Variants in IL1RAPL1 observed in about 807,000 individuals in gnomAD.
IL1RAPL1 encodes interleukin 1 receptor accessory protein like 1.
Under a neutral mutation model 48.4 loss-of-function variants are expected in IL1RAPL1, and 3 were observed. That is an observed-to-expected ratio of 0.06 (90% CI 0.03 to 0.16). The LOEUF is 0.16. Among genes scored for constraint, IL1RAPL1 ranks in the 10% least tolerant of loss-of-function variants. The pLI, the probability that IL1RAPL1 is intolerant of heterozygous loss-of-function variation, is 1.00. For synonymous variants in IL1RAPL1, 185 were observed against 187.7 expected (o/e 0.99, Z 0.12); for missense variants, 349 against 530.6 (o/e 0.66, Z 3.36).
intron 2 of IL1RAPL1, among the ~76,000 whole-genome samples, chrX:28,874,721 T>G (rs1922323300): frequency 8.9e-6 from 1 of 112,490 alleles, no homozygotes; most frequent in African/African-American, 3.2e-5. Flanking sequence ...GTTTTCTCAT[T>G]TCATGCTTTC....
Position 29,631,273 on chromosome X carries a change from G to A in IL1RAPL1, c.704-37157G>A, listed in dbSNP as rs996938674. Among the ~76,000 whole-genome samples, 20 of 111,113 alleles carry A rather than the reference G, an allele frequency of 1.8e-4. No homozygotes were observed. In the Middle Eastern group the frequency reaches 0.018, roughly 102 times the overall value. On this transcript the variant is annotated intron_variant, in intron 5 of 10. Transcript: ENST00000378993. ...AATAACTCTGATTTCACCTTATCTA[G>A]AAAAGTTTCACCTTATCTATCTAGT...
intron 6 of IL1RAPL1, among the ~76,000 whole-genome samples, chrX:29,776,088 G>A (rs1048030773): frequency 9.0e-6 from 1 of 111,568 alleles, no homozygotes; most frequent in Non-Finnish European, 1.9e-5. Flanking sequence ...ACTTCCGCTA[G>A]AATTGACTTT....
At position 29,381,830 on chromosome X, in the gene IL1RAPL1, AAAAATATATAT is replaced by A. The variant is rs1276095663; in HGVS notation, c.363-14426_363-14416del. Among the ~76,000 whole-genome samples, 37 of 32,597 alleles carry A rather than the reference AAAAATATATAT, an allele frequency of 1.1e-3. 1 individual carries two copies. The highest frequency in any genetic ancestry group is 5.0e-4 in the Non-Finnish European group (6 of 11,986). The allele number at this position is 32,597 out of a possible 115,157, so 28.3% of individuals were successfully genotyped here. A position where few individuals can be genotyped will look rare whatever the true frequency, so the allele number is the denominator to read the frequency against. On this transcript the variant is annotated intron_variant, in intron 3 of 10. Transcript: ENST00000378993. ...GACTGTTGCCAAAAAAAAAAAAAAA[AAAAATATATAT>A]ATATATATATATATATATATATACA...
chrX:29,512,799 A>C (rs759292951), intron 5 of IL1RAPL1, among the ~76,000 whole-genome samples: 68 of 111,751 alleles, frequency 6.1e-4, no homozygotes, highest in Admixed American at 1.7e-3. Context: ...ACACTTTCAC[A>C]GTCAGAATGT....
At chrX:29,853,191 TAAA>T (rs35378764) in intron 6 of IL1RAPL1, among the ~76,000 whole-genome samples, 1 of 88,061 alleles carries the variant, frequency 1.1e-5, no homozygotes, top group Non-Finnish European at 2.3e-5. Flanking sequence ...ATTATGGCTT[TAAA>T]AAAAAAAAAA....
chrX:28,668,219 G>A (rs1225601090), intron 1 of IL1RAPL1, among the ~76,000 whole-genome samples: 2 of 111,670 alleles, frequency 1.8e-5, no homozygotes, highest in Non-Finnish European at 3.8e-5. Flanking sequence ...CCAATCATAG[G>A]CAATGCCACT....
At chrX:29,333,455 G>T (rs1172783204) in intron 3 of IL1RAPL1, among the ~76,000 whole-genome samples, 1 of 43,237 alleles carries the variant, frequency 2.3e-5, no homozygotes, top group African/African-American at 7.4e-5. Context: ...GGGCAGAGGG[G>T]CTCCTCACTT....
intron 1 of IL1RAPL1, among the ~76,000 whole-genome samples, chrX:28,691,803 A>C (rs945413173): frequency 9.0e-6 from 1 of 111,271 alleles, no homozygotes; most frequent in African/African-American, 3.3e-5. Context: ...TTAATTCCTC[A>C]CCAGTACTTT....
intron 2 of IL1RAPL1, among the ~76,000 whole-genome samples, chrX:29,217,596 A>G (rs1056540167): frequency 8.9e-6 from 1 of 111,925 alleles, no homozygotes; most frequent in African/African-American, 3.2e-5. Context: ...TATCTTAAAT[A>G]ATCTGCCTTC....
In IL1RAPL1 at chrX:28,830,210, T is replaced by A. The variant is rs756915840; in HGVS notation, c.82+40785T>A. On this transcript the variant is annotated intron_variant, in intron 2 of 10. Transcript: ENST00000378993. ...TGTTTTGGAAGAATCTTTGAAAGGT[T>A]GATGTTAATTCTTTTTTAAATGCTT... Among the ~76,000 whole-genome samples, 217 of 111,853 alleles carry A rather than the reference T, an allele frequency of 1.9e-3. 1 individual carries two copies. Among genetic ancestry groups the A allele is most frequent in the Admixed American group, 3.5e-3 (37 of 10,530 alleles).
chrX:29,874,207 C>A (rs780522560), intron 6 of IL1RAPL1, among the ~76,000 whole-genome samples: 8 of 111,355 alleles, frequency 7.2e-5, no homozygotes, highest in Non-Finnish European at 1.5e-4. Flanking sequence ...CCATTCCAAA[C>A]TTTAACCCTG....
At chrX:28,803,094 A>G (rs1936693148) in intron 2 of IL1RAPL1, among the ~76,000 whole-genome samples, 2 of 111,615 alleles carry the variant, frequency 1.8e-5, no homozygotes, top group South Asian at 3.7e-4. Flanking sequence ...TCTTAGCATC[A>G]TGTCCATTTG....
chrX:29,825,893 CT>C (rs1206962984), intron 6 of IL1RAPL1, among the ~76,000 whole-genome samples: 1 of 111,137 alleles, frequency 9.0e-6, no homozygotes, highest in Non-Finnish European at 1.9e-5. Flanking sequence ...CAGATTTGGA[CT>C]GCTGAATGTA....
rs758808761 is a variant in IL1RAPL1, at chrX:29,756,963, G to A, written c.778+88459G>A. Among the ~76,000 whole-genome samples, 268 of 111,374 alleles carry A rather than the reference G, an allele frequency of 2.4e-3. 1 individual carries two copies. The highest frequency in any genetic ancestry group is 9.3e-3 in the Middle Eastern group (2 of 216). On this transcript the variant is annotated intron_variant, in intron 6 of 10. Transcript: ENST00000378993. Reference sequence around the variant, plus strand: ...AAGCCAGTGATTGAGTGCTGCAGCTGCAAGCCAAGGAATGCCAAGGATTGC... The same window carrying A: ...AAGCCAGTGATTGAGTGCTGCAGCTACAAGCCAAGGAATGCCAAGGATTGC...
At chrX:29,243,988 C>A (rs181804048) in intron 2 of IL1RAPL1, among the ~76,000 whole-genome samples, 1 of 111,754 alleles carries the variant, frequency 8.9e-6, no homozygotes, top group African/African-American at 3.3e-5. Flanking sequence ...CCCTCTCCCC[C>A]ACACATGTAA....
chrX:29,625,897 A>T (rs1924602966), intron 5 of IL1RAPL1, among the ~76,000 whole-genome samples: 1 of 111,473 alleles, frequency 9.0e-6, no homozygotes, highest in Non-Finnish European at 1.9e-5. Flanking sequence ...TATAACTCTT[A>T]TGTAAGAAGG....
At chrX:28,968,249 A>G (rs996942005) in intron 2 of IL1RAPL1, among the ~76,000 whole-genome samples, 1 of 111,704 alleles carries the variant, frequency 9.0e-6, no homozygotes, top group Admixed American at 9.6e-5. Flanking sequence ...TTCCGTAGCC[A>G]TTAGTTAATT....
intron 5 of IL1RAPL1, among the ~76,000 whole-genome samples, chrX:29,439,778 G>A (rs1363599962): frequency 9.3e-6 from 1 of 107,424 alleles, no homozygotes; most frequent in Admixed American, 1.0e-4. Flanking sequence ...ATGAGAAAAT[G>A]CTTCAGAATA....
At chrX:29,218,413 A>G (rs750136590) in intron 2 of IL1RAPL1, among the ~76,000 whole-genome samples, 4 of 111,729 alleles carry the variant, frequency 3.6e-5, no homozygotes, top group Admixed American at 2.9e-4. Context: ...GCACGACAAA[A>G]GAAAGCTACC....
Sources: gnomAD v4.1 joint callset for allele counts (sites outside exome capture counted in the v4.1 genomes callset) on GRCh38, gnomAD v4.1.1 for gene constraint, MANE v1.5 for transcripts, NCBI Gene and HGNC (gene_info 2026-07-23, HGNC 2026-07-21) for gene names.